The following TMEM108 variants were observed in gnomAD, a reference collection of about 807,000 sequenced individuals.
TMEM108 encodes the protein transmembrane protein 108, also known as cancer/testis antigen 124.
TMEM108 carries 12 observed loss-of-function variants against 35.1 expected under a neutral mutation model. The observed-to-expected ratio is 0.34, with a 90% CI of 0.22 to 0.55. The LOEUF is 0.55. TMEM108 is among the 20% of genes least tolerant of loss of function. The pLI is 0.89. For missense variants in TMEM108, 680 were observed against 753.3 expected, an observed-to-expected ratio of 0.90 and a Z score of 1.14; for synonymous variants, 287 against 308.6, an observed-to-expected ratio of 0.93 and a Z score of 0.73.
chr3:133,365,400 A>T (rs183369536), intron 3 of TMEM108, among the ~76,000 whole-genome samples: 3 of 152,340 alleles, frequency 2.0e-5, no homozygotes, highest in East Asian at 3.9e-4. Flanking sequence ...TTTTCTCTCC[A>T]TAACTCCTCA....
At chr3:133,351,815 C>T (rs1335228753) in intron 3 of TMEM108, among the ~76,000 whole-genome samples, 1 of 152,172 alleles carries the variant, frequency 6.6e-6, no homozygotes, top group Non-Finnish European at 1.5e-5. Context: ...ACATCACTCT[C>T]CCTACCACCT....
chr3:133,221,903 A>G (rs1035129434), intron 2 of TMEM108, among the ~76,000 whole-genome samples: 4 of 151,956 alleles, frequency 2.6e-5, no homozygotes, highest in Middle Eastern at 3.2e-3. Context: ...AGCTCTTATT[A>G]TTTTAATAGT....
intron 3 of TMEM108, among the ~76,000 whole-genome samples, chr3:133,358,726 T>C (rs1193367276): frequency 6.6e-6 from 1 of 152,132 alleles, no homozygotes; most frequent in African/African-American, 2.4e-5. Flanking sequence ...ACACCTTCCC[T>C]CCAATTCACT....
intron 3 of TMEM108, among the ~76,000 whole-genome samples, chr3:133,373,029 T>A (rs753119132): frequency 7.2e-5 from 11 of 151,984 alleles, no homozygotes; most frequent in Non-Finnish European, 7.4e-5. Context: ...ATCATTGGAG[T>A]TCAGAGATGG....
intron 4 of TMEM108, chr3:133,388,397 C>G: frequency 1.0e-6 from 1 of 985,394 alleles, no homozygotes. Flanking sequence ...AAGGAGGCGG[C>G]CTGAATTAGC....
intron 3 of TMEM108, among the ~76,000 whole-genome samples, chr3:133,293,045 A>G (rs1947095549): frequency 6.6e-6 from 1 of 152,190 alleles, no homozygotes; most frequent in Non-Finnish European, 1.5e-5. Flanking sequence ...AATATTCTTA[A>G]GAACAATAGG....
chr3:133,381,143 G>A lies in TMEM108; in HGVS notation c.1432G>A (p.Val478Met), dbSNP rs780949212. Residue 478 changes from valine to methionine, a missense_variant, in exon 4 of 6, where the codon GTG (valine) becomes ATG (methionine). Coordinates refer to ENST00000321871, the MANE Select transcript of TMEM108 (RefSeq NM_023943.4). ...DIAWVILAIS[V>M]PISSCSVLLT... The stretch of plus-strand genomic sequence containing the variant: ...CGCCTGGGTGATCCTGGCCATCAGC[G>A]TGCCCATCTCCTCCTGCTGTAAGTG... The A allele has an allele frequency of 2.6e-5, 42 of 1,602,840 alleles. No individual in the cohort carries two copies. Among genetic ancestry groups the A allele is most frequent in the Middle Eastern group, 3.3e-4 (2 of 6,038 alleles).
intron 3 of TMEM108, among the ~76,000 whole-genome samples, chr3:133,252,137 G>A (rs1946480456): frequency 6.6e-6 from 1 of 152,108 alleles, no homozygotes; most frequent in Non-Finnish European, 1.5e-5. Context: ...TTCAAGGTTT[G>A]ATAGACTCAT....
intron 3 of TMEM108, among the ~76,000 whole-genome samples, chr3:133,273,776 AT>A (rs1250985544): frequency 1.4e-4 from 22 of 152,344 alleles, no homozygotes; most frequent in African/African-American, 5.1e-4. Flanking sequence ...GAAGAAATAG[AT>A]TAGCCAATCA....
Position 133,371,613 on chromosome 3 carries a change from C to CAAAAAAAAAAA in TMEM108, c.41-8123_41-8113dup, listed in dbSNP as rs3054624. Among the ~76,000 whole-genome samples, 16 of 78,096 alleles carry CAAAAAAAAAAA rather than the reference C, an allele frequency of 2.0e-4. 1 individual carries two copies. The highest frequency in any genetic ancestry group is 9.4e-4 in the African/African-American group (16 of 16,946). The allele number at this position is 78,096 out of a possible 152,430, so 51.2% of individuals were successfully genotyped here. ...ATCACTGCAGCCAGTCACAAACCCA[C>CAAAAAAAAAAA]AAAAAAAAAAAAAAAAAAAAAAAAA... On this transcript the variant is annotated intron_variant, in intron 3 of 5. Coordinates refer to ENST00000321871, the MANE Select transcript of TMEM108 (RefSeq NM_023943.4).
chr3:133,146,514 GT>G (rs1261300595), intron 2 of TMEM108, among the ~76,000 whole-genome samples: 1 of 152,092 alleles, frequency 6.6e-6, no homozygotes, highest in Non-Finnish European at 1.5e-5. Context: ...TTTTTCTATT[GT>G]TTGAAATAGT....
chr3:133,044,983 T>G (rs934416375), intron 1 of TMEM108, among the ~76,000 whole-genome samples: 6 of 151,858 alleles, frequency 4.0e-5, no homozygotes, highest in South Asian at 2.1e-4. Flanking sequence ...TTCTTTTTTT[T>G]TTGAGACGGA....
chr3:133,386,682 C>CAACTA lies in TMEM108; in HGVS notation c.1451-3495_1451-3491dup, dbSNP rs2073155613. The stretch of plus-strand genomic sequence containing the variant: ...GAGAAACAGAGCAGTTGAAGCTTTT[C>CAACTA]AACTAAATGGGAAAGGGAACAGTTA... On this transcript the variant is annotated intron_variant, in intron 4 of 5. Transcript: ENST00000321871. The CAACTA allele has an allele frequency of 1.5e-5, 21 of 1,395,560 alleles. No homozygotes were observed. The South Asian group carries it at 3.4e-4, about 22-fold the overall frequency. The allele number at this position is 1,395,560 out of a possible 1,614,324, so 86.4% of individuals were successfully genotyped here.
At chr3:133,274,578 T>C (rs1337092408) in intron 3 of TMEM108, among the ~76,000 whole-genome samples, 1 of 152,258 alleles carries the variant, frequency 6.6e-6, no homozygotes, top group African/African-American at 2.4e-5. Flanking sequence ...TTTCATTCTT[T>C]TTCCCTTGTA....
intron 2 of TMEM108, among the ~76,000 whole-genome samples, chr3:133,101,328 T>C (rs547507804): frequency 2.6e-4 from 39 of 152,328 alleles, no homozygotes; most frequent in African/African-American, 8.7e-4. Context: ...CCTGCCTTGG[T>C]TAAAGCCTTA....
chr3:133,278,577 A>G (rs2370052), intron 3 of TMEM108, among the ~76,000 whole-genome samples: 50,893 of 152,168 alleles, frequency 0.33, 8,938 homozygotes, highest in East Asian at 0.48. Context: ...ACAAACCTGT[A>G]CGGCATGTTA....
rs1488589745 is a variant in TMEM108 at position 133,390,038 on chromosome 3, C to T, written c.1451-142C>T. On this transcript the variant is annotated intron_variant, in intron 4 of 5. Coordinates refer to ENST00000321871, the MANE Select transcript of TMEM108 (RefSeq NM_023943.4). Reference sequence around the variant, plus strand: ...AGGTCTTCTGTGGAATTAAGGCTCACTTTGTACAGTTCACCATGCCCTGCC... The same window carrying T: ...AGGTCTTCTGTGGAATTAAGGCTCATTTTGTACAGTTCACCATGCCCTGCC... 3.0e-6 allele frequency: 3 copies of T among 994,700 alleles called. No individual in the cohort carries two copies. In the East Asian group the frequency reaches 7.2e-5, roughly 24 times the overall value. The allele number at this position is 994,700 out of a possible 1,614,324, so 61.6% of individuals were successfully genotyped here.
chr3:133,038,497 A>AGGCTG (rs1193808211), intron 1 of TMEM108, 62 bp downstream of exon 1: 2 of 152,312 alleles, frequency 1.3e-5, no homozygotes, highest in Non-Finnish European at 2.9e-5. Context: ...CAAGCGGGTT[A>AGGCTG]GGCTGGGCTG....
intron 3 of TMEM108, among the ~76,000 whole-genome samples, chr3:133,330,142 A>G (rs2071378051): frequency 6.6e-6 from 1 of 152,236 alleles, no homozygotes; most frequent in Non-Finnish European, 1.5e-5. Flanking sequence ...CCCTTGATGA[A>G]GACAACTTTT....
Sources: gnomAD v4.1 joint callset for allele counts (sites outside exome capture counted in the v4.1 genomes callset) on GRCh38, gnomAD v4.1.1 for gene constraint, MANE v1.5 for transcripts, NCBI Gene and HGNC (gene_info 2026-07-23, HGNC 2026-07-21) for gene names.